The following CNTNAP4 variants were observed in gnomAD, a reference collection of about 807,000 sequenced individuals.
The protein encoded by CNTNAP4 is contactin associated protein family member 4.
Under a neutral mutation model 148.4 loss-of-function variants are expected in CNTNAP4, and 98 were observed. The observed-to-expected ratio is 0.66, with a 90% CI of 0.56 to 0.78. The LOEUF is 0.78. Among genes scored for constraint, CNTNAP4 ranks in the 30% least tolerant of loss-of-function variants. The pLI, the probability that CNTNAP4 is intolerant of heterozygous loss-of-function variation, is 0.00. For missense variants in CNTNAP4, 1,935 were observed against 1,565.6 expected, an observed-to-expected ratio of 1.24 and a Z score of -3.98; for synonymous variants, 730 against 565.1, an observed-to-expected ratio of 1.29 and a Z score of -4.14.
At chr16:76,465,755 G>A (rs970748109) in intron 9 of CNTNAP4, among the ~76,000 whole-genome samples, 1 of 152,132 alleles carries the variant, frequency 6.6e-6, no homozygotes, top group African/African-American at 2.4e-5. Flanking sequence ...GTAGTACCAT[G>A]TACAATAAAT....
chr16:76,419,262 G>A (rs898985050), intron 3 of CNTNAP4, among the ~76,000 whole-genome samples: 5 of 151,904 alleles, frequency 3.3e-5, no homozygotes, highest in African/African-American at 4.8e-5. Flanking sequence ...GGAAAGGTAC[G>A]GAGGCTGGAA....
chr16:76,546,172 G>C (rs1343909051), intron 21 of CNTNAP4, among the ~76,000 whole-genome samples: 2 of 152,220 alleles, frequency 1.3e-5, no homozygotes. Flanking sequence ...GGAAGGGATT[G>C]GCTGGGGTGT....
chr16:76,553,639 C>G (rs1325237658), intron 22 of CNTNAP4, 138 bp downstream of exon 22: 1 of 693,890 alleles, frequency 1.4e-6, no homozygotes, highest in East Asian at 2.7e-5. Context: ...TTTTAGTTCT[C>G]CTTCCCATAT....
intron 8 of CNTNAP4, among the ~76,000 whole-genome samples, chr16:76,460,613 A>C (rs1276772305): frequency 2.7e-5 from 4 of 147,122 alleles, no homozygotes; most frequent in African/African-American, 9.9e-5. Flanking sequence ...TACAAAAAAA[A>C]TTAGCCAGGC....
At chr16:76,482,115 T>G (rs1375915268) in intron 12 of CNTNAP4, among the ~76,000 whole-genome samples, 1 of 152,036 alleles carries the variant, frequency 6.6e-6, no homozygotes, top group South Asian at 2.1e-4. Flanking sequence ...GAATGCTTCT[T>G]CAGGAGCATG....
chr16:76,535,455 G>T (rs150053511), intron 17 of CNTNAP4, 90 bp from the exon 18 acceptor site: 1 of 1,395,600 alleles, frequency 7.2e-7, no homozygotes, highest in Non-Finnish European at 9.6e-7. Flanking sequence ...TTTTTTTGCC[G>T]TTCTCTGTAA....
At chr16:76,332,351 C>G (rs535595577) in intron 2 of CNTNAP4, among the ~76,000 whole-genome samples, 2 of 152,148 alleles carry the variant, frequency 1.3e-5, no homozygotes, top group Admixed American at 1.3e-4. Flanking sequence ...GCCTCCACCT[C>G]TTAGGCTCAA....
At chr16:76,374,941 TC>T (rs2144657269) in intron 3 of CNTNAP4, among the ~76,000 whole-genome samples, 1 of 151,874 alleles carries the variant, frequency 6.6e-6, no homozygotes, top group South Asian at 2.1e-4. Flanking sequence ...CTAATTTTTG[TC>T]TTTTTTAGTA....
At chr16:76,310,911 C>T (rs1275571470) in intron 1 of CNTNAP4, among the ~76,000 whole-genome samples, 1 of 151,958 alleles carries the variant, frequency 6.6e-6, no homozygotes, top group African/African-American at 2.4e-5. Flanking sequence ...CTTTCTACCA[C>T]CTATTAGTCA....
At chr16:76,553,113 C>A (rs188899936) in intron 21 of CNTNAP4, among the ~76,000 whole-genome samples, 170 bp from the exon 22 acceptor site, 40 of 152,114 alleles carry the variant, frequency 2.6e-4, no homozygotes, top group African/African-American at 7.2e-4. Flanking sequence ...GGAAATCTTA[C>A]CAATAGTAGT....
intron 1 of CNTNAP4, among the ~76,000 whole-genome samples, chr16:76,285,315 G>T (rs1958836145): frequency 1.3e-5 from 2 of 152,034 alleles, no homozygotes; most frequent in African/African-American, 4.8e-5. Flanking sequence ...GGAGAAGTGA[G>T]TGAAGCCTGA....
At position 76,498,568 on chromosome 16, in the gene CNTNAP4, A is replaced by T. The variant is rs200164502; in HGVS notation, c.2239A>T (p.Thr747Ser). ...CNCDADRNEW[T>S]NDTGLLAYKE... Reference sequence around the variant, plus strand: ...TTTGTTGTTGCTATTGTTTTTTAGGACCAATGACACTGGATTGCTTGCTTA... The same window carrying T: ...TTTGTTGTTGCTATTGTTTTTTAGGTCCAATGACACTGGATTGCTTGCTTA... Residue 747 changes from threonine (T) to serine (S), a missense_variant and splice_region_variant, in exon 15 of 24, where the codon ACC becomes TCC. Coordinates refer to ENST00000611870, the MANE Select transcript of CNTNAP4 (RefSeq NM_033401.5). 1.3e-4 allele frequency: 203 copies of T among 1,608,042 alleles called. No homozygotes were observed. In the African/African-American group the frequency reaches 2.4e-3, roughly 19 times the overall value.
In CNTNAP4 at chr16:76,448,758, T is replaced by C. The variant is rs2080345173; in HGVS notation, c.743-9T>C. The stretch of plus-strand genomic sequence containing the variant: ...AATAATGGTGCTGTTATTTTTCTCC[T>C]CTTCTAAGGTGAAGCTAAACTGCCT... On this transcript the variant is annotated splice_polypyrimidine_tract_variant and intron_variant, in intron 5 of 23. Transcript: ENST00000611870. 6.4e-7 allele frequency: 1 copy of C among 1,568,530 alleles called. No homozygotes were observed. Among genetic ancestry groups the C allele is most frequent in the Admixed American group, 1.9e-5 (1 of 52,170 alleles).
intron 2 of CNTNAP4, among the ~76,000 whole-genome samples, chr16:76,346,518 A>G (rs1007790246): frequency 2.0e-5 from 3 of 152,064 alleles, no homozygotes; most frequent in Admixed American, 1.3e-4. Context: ...TCTCCGATGC[A>G]TGATGTCATT....
intron 2 of CNTNAP4, among the ~76,000 whole-genome samples, chr16:76,318,105 T>C (rs1030602071): frequency 6.6e-6 from 1 of 152,332 alleles, no homozygotes; most frequent in Non-Finnish European, 1.5e-5. Context: ...TTCCAGGCCC[T>C]GTACCTATGG....
intron 3 of CNTNAP4, among the ~76,000 whole-genome samples, chr16:76,402,358 G>T (rs200500051): frequency 0.041 from 6,246 of 151,470 alleles, 445 homozygotes; most frequent in African/African-American, 0.14. Flanking sequence ...TCTGATGTTT[G>T]GTGTTTTTTT....
At chr16:76,355,637 C>A in intron 3 of CNTNAP4, 126 bp downstream of exon 3, 1 of 612,146 alleles carries the variant, frequency 1.6e-6, no homozygotes, top group Non-Finnish European at 2.5e-6. Flanking sequence ...AAACATTTTC[C>A]AAGAGAAAAT....
chr16:76,486,233 G>A (rs2082020866), intron 12 of CNTNAP4, among the ~76,000 whole-genome samples: 1 of 151,986 alleles, frequency 6.6e-6, no homozygotes. Context: ...TTTGCATTTA[G>A]TAAAAGATAA....
At chr16:76,387,431 C>G (rs1017898799) in intron 3 of CNTNAP4, among the ~76,000 whole-genome samples, 1 of 152,146 alleles carries the variant, frequency 6.6e-6, no homozygotes, top group African/African-American at 2.4e-5. Flanking sequence ...AACCAATAGT[C>G]TCTCTTGCTT....
Sources: allele counts gnomAD v4.1 joint callset (sites outside exome capture counted in the v4.1 genomes callset), GRCh38; gene constraint gnomAD v4.1.1; transcripts MANE v1.5; gene names NCBI Gene and HGNC (gene_info 2026-07-23, HGNC 2026-07-21).